Variants in MARCHF7 observed in about 807,000 individuals in gnomAD.
The protein encoded by MARCHF7 is E3 ubiquitin-protein ligase MARCHF7.
A neutral mutation model predicts 76.5 loss-of-function variants in MARCHF7; 20 were observed. The ratio of observed to expected loss-of-function variants is 0.26; its 90% CI spans 0.18 to 0.38. The LOEUF (loss-of-function observed/expected upper bound fraction) is 0.38, where lower values mean the gene tolerates loss of function less well. Among genes scored for constraint, MARCHF7 ranks in the 10% least tolerant of loss-of-function variants. MARCHF7 has a pLI of 1.00. For synonymous variants in MARCHF7, 295 were observed against 293.0 expected, an observed-to-expected ratio of 1.01 and a Z score of -0.07; for missense variants, 797 against 812.9, an observed-to-expected ratio of 0.98 and a Z score of 0.24.
chr2:159,724,609 A>T (rs753358393), intron 3 of MARCHF7, among the ~76,000 whole-genome samples: 8 of 152,196 alleles, frequency 5.3e-5, no homozygotes, highest in Non-Finnish European at 1.0e-4. Flanking sequence ...TTTAACAAGT[A>T]TATGGCATTT....
At chr2:159,766,892 C>T (rs552324560) in intron 11 of MARCHF7, among the ~76,000 whole-genome samples, 13 of 152,120 alleles carry the variant, frequency 8.5e-5, no homozygotes, top group East Asian at 5.8e-4. Context: ...AAACATGCAG[C>T]GGTAATAAGC....
At chr2:159,713,448 T>A (rs996971880) in intron 1 of MARCHF7, among the ~76,000 whole-genome samples, 6 of 152,234 alleles carry the variant, frequency 3.9e-5, no homozygotes, top group Non-Finnish European at 5.9e-5. Flanking sequence ...TTTGTTACTA[T>A]TAGTTAAATG....
intron 3 of MARCHF7, among the ~76,000 whole-genome samples, chr2:159,720,369 C>T (rs996266751): frequency 1.3e-5 from 2 of 152,158 alleles, no homozygotes; most frequent in African/African-American, 2.4e-5. Context: ...TACATAATGT[C>T]TTCCATTTTG....
Position 159,764,639 on chromosome 2 carries a change from C to G in MARCHF7, c.2021C>G (p.Ala674Gly). 6.2e-7 allele frequency: 1 copy of G among 1,601,948 alleles called. No homozygotes were observed. The highest frequency in any genetic ancestry group is 8.5e-7 in the Non-Finnish European group (1 of 1,174,396). The change falls in exon 11 of 12, where the codon GCA (alanine) becomes GGA (glycine). Residue 674 changes from alanine to glycine, a missense_variant. Physicochemically the swap from Ala to Gly is moderately conservative, Grantham distance 60. Transcript: ENST00000409175. ...CATTGTTTCTAGTTTATTAACCTTG[C>G]AAGAACTCTTCAGGCACATATGGAA... ...PSTRVRFINL[A>G]RTLQAHMEDL...
chr2:159,734,062 C>A (rs1163163237), intron 4 of MARCHF7: 2 of 1,359,152 alleles, frequency 1.5e-6, no homozygotes, highest in South Asian at 2.0e-5. Context: ...CAACTATGAT[C>A]ATCTTATGTC....
intron 4 of MARCHF7, among the ~76,000 whole-genome samples, chr2:159,731,061 T>C (rs1481277584): frequency 6.6e-6 from 1 of 152,006 alleles, no homozygotes; most frequent in East Asian, 1.9e-4. Flanking sequence ...CCTAGCTAAT[T>C]TTTGTGTTTT....
chr2:159,732,770 A>T (rs926866204), intron 4 of MARCHF7: 9 of 841,758 alleles, frequency 1.1e-5, no homozygotes, highest in Middle Eastern at 1.2e-3. Flanking sequence ...GGCCTCCAGC[A>T]GTACTCCCAC....
intron 2 of MARCHF7, among the ~76,000 whole-genome samples, chr2:159,715,418 G>A (rs962014324): frequency 1.3e-5 from 2 of 151,952 alleles, no homozygotes; most frequent in African/African-American, 4.8e-5. Flanking sequence ...TGTTTTTTAG[G>A]CTGCTGCAGC....
chr2:159,745,516 A>G (rs767883231), intron 5 of MARCHF7, among the ~76,000 whole-genome samples: 10 of 152,154 alleles, frequency 6.6e-5, no homozygotes, highest in Non-Finnish European at 1.3e-4. Flanking sequence ...TTAGCCGGGC[A>G]TGGTGGCACG....
In MARCHF7 at chr2:159,748,968, TTTTTCTTTTC is replaced by T. The variant is rs1183876519; in HGVS notation, c.1613+70_1613+79del. 7.0e-6 allele frequency: 9 copies of T among 1,293,572 alleles called. No homozygotes were observed. The South Asian group carries it at 8.7e-5, about 13-fold the overall frequency. The allele number at this position is 1,293,572 out of a possible 1,614,324, so 80.1% of individuals were successfully genotyped here. On this transcript the variant is annotated intron_variant, in intron 7 of 11. Coordinates refer to ENST00000409175, the MANE Select transcript of MARCHF7 (RefSeq NM_001282805.2). ...TAGAGAAAGAACTCTTCATTTCTTT[TTTTTCTTTTC>T]TTTTTTTTTTTTTTTTTTGAGACGG... is the stretch of plus-strand genomic sequence containing the variant.
chr2:159,737,400 G>A (rs1191335744), intron 4 of MARCHF7, among the ~76,000 whole-genome samples: 1 of 152,076 alleles, frequency 6.6e-6, no homozygotes, highest in African/African-American at 2.4e-5. Flanking sequence ...ATTAATGGCT[G>A]ATAAGCACAT....
chr2:159,716,560 G>A (rs1322284099), intron 3 of MARCHF7, among the ~76,000 whole-genome samples: 1 of 152,006 alleles, frequency 6.6e-6, no homozygotes, highest in Non-Finnish European at 1.5e-5. Context: ...TGAGGTGGGA[G>A]GATCACTTGA....
rs548239199 is a variant in MARCHF7, at chr2:159,770,519, ATCTC to A, written c.*3178_*3181del. The A allele has an allele frequency of 6.6e-6, 1 of 152,180 alleles. No homozygotes were observed. The highest frequency in any genetic ancestry group is 1.5e-5 in the Non-Finnish European group (1 of 68,036). 9.4% of individuals were successfully genotyped at this position (152,180 alleles called of 1,614,324 possible). A position where few individuals can be genotyped will look rare whatever the true frequency, so the allele number is the denominator to read the frequency against. ...AGCTAGTGAGATAGTATATCTATCT[ATCTC>A]CCCAGAAGAAAGTAAGATAATTGAT... On this transcript the variant is annotated 3_prime_UTR_variant, in exon 12 of 12. Transcript: ENST00000409175.
chr2:159,722,229 C>T (rs1356122260), intron 3 of MARCHF7, among the ~76,000 whole-genome samples: 6 of 152,110 alleles, frequency 3.9e-5, no homozygotes, highest in South Asian at 4.1e-4. Flanking sequence ...CTCCACCTCC[C>T]GGGCTTCAAG....
At chr2:159,755,926 G>A (rs1706237674) in intron 8 of MARCHF7, among the ~76,000 whole-genome samples, 1 of 152,060 alleles carries the variant, frequency 6.6e-6, no homozygotes, top group Admixed American at 6.5e-5. Context: ...ACCCCTAGGG[G>A]GCACAAGAGG....
At chr2:159,732,778 C>T in intron 4 of MARCHF7, 2 of 908,554 alleles carry the variant, frequency 2.2e-6, no homozygotes, top group Non-Finnish European at 2.6e-6. Context: ...GCAGTACTCC[C>T]ACCTCAGCCT....
At position 159,748,001 on chromosome 2, in the gene MARCHF7, T is replaced by A. The variant is rs1171496256; in HGVS notation, c.711T>A (p.Asn237Lys). ...GAGAATCAGAATCTTCCCGAAGCAATACGCAGCCTGGATTTTCTTACAGTT... is the reference window on the plus strand; with the variant it reads ...GAGAATCAGAATCTTCCCGAAGCAAAACGCAGCCTGGATTTTCTTACAGTT... ...SSRESESSRS[N>K]TQPGFSYSSS... The change falls in exon 7 of 12, where the codon AAT becomes AAA. Residue 237 changes from asparagine (N) to lysine (K), a missense_variant. Around this residue, in one of 3 missense-constraint regions of MARCHF7, gnomAD observed 643 missense variants for 631.5 expected, o/e 1.02. Transcript: ENST00000409175. The A allele has an allele frequency of 6.2e-7, 1 of 1,614,022 alleles. No homozygotes were observed. The highest frequency in any genetic ancestry group is 8.5e-7 in the Non-Finnish European group (1 of 1,180,018).
intron 4 of MARCHF7, among the ~76,000 whole-genome samples, chr2:159,738,869 C>T (rs909120314): frequency 6.6e-6 from 1 of 152,220 alleles, no homozygotes; most frequent in Non-Finnish European, 1.5e-5. Context: ...ATGTCTGCCT[C>T]CTGCTACTGT....
chr2:159,733,384 G>T, intron 4 of MARCHF7: 1 of 459,602 alleles, frequency 2.2e-6, no homozygotes, highest in Non-Finnish European at 2.9e-6. Context: ...GAATACAGGT[G>T]TGCACACCAC....
Sources: gnomAD v4.1 joint callset for allele counts (sites outside exome capture counted in the v4.1 genomes callset) on GRCh38, gnomAD v4.1.1 for gene constraint, gnomAD v4.1.1 regional missense constraint, MANE v1.5 for transcripts, NCBI Gene and HGNC (gene_info 2026-07-23, HGNC 2026-07-21) for gene names.